DLC1: variants seen among roughly 807,000 people sequenced by gnomAD.
The protein encoded by DLC1 is rho GTPase-activating protein 7.
Under a neutral mutation model 140.3 loss-of-function variants are expected in DLC1, and 54 were observed. That is an observed-to-expected ratio of 0.38 (90% CI 0.31 to 0.48). DLC1 has a LOEUF of 0.48. DLC1 is among the 20% of genes least tolerant of loss of function. The pLI, the probability that DLC1 is intolerant of heterozygous loss-of-function variation, is 0.96. For missense variants in DLC1, 2,536 were observed against 1,907.0 expected (o/e 1.33, Z -6.14); for synonymous variants, 986 against 728.1 (o/e 1.35, Z -5.70).
intron 5 of DLC1, among the ~76,000 whole-genome samples, chr8:13,234,660 A>C (rs555085256): frequency 1.2e-4 from 18 of 152,052 alleles, no homozygotes; most frequent in African/African-American, 4.1e-4. Flanking sequence ...CATCTTGTCT[A>C]GGGTTCTACT....
intron 2 of DLC1, among the ~76,000 whole-genome samples, chr8:13,426,993 T>A (rs1220442800): frequency 6.6e-6 from 1 of 152,202 alleles, no homozygotes; most frequent in African/African-American, 2.4e-5. Context: ...CCCTGGCTTT[T>A]GTCTGATGCA....
chr8:13,372,919 C>G (rs929532432), intron 4 of DLC1, among the ~76,000 whole-genome samples: 2 of 152,150 alleles, frequency 1.3e-5, no homozygotes, highest in African/African-American at 4.8e-5. Context: ...AAACACCATG[C>G]CCAGCATCCA....
intron 2 of DLC1, among the ~76,000 whole-genome samples, chr8:13,489,412 T>TACACACACACACAC (rs10558551): frequency 0.033 from 4,321 of 132,230 alleles, 141 homozygotes; most frequent in East Asian, 0.078. Context: ...ACACACACCA[T>TACACACACACACAC]ACACACACAC....
intron 1 of DLC1, 30 bp from the exon 2 acceptor site, chr8:13,500,226 C>A: frequency 3.2e-6 from 2 of 616,360 alleles, no homozygotes; most frequent in South Asian, 2.6e-5. Flanking sequence ...AATATGTAGT[C>A]GCAGATACGT....
chr8:13,458,827 T>C (rs534575287), intron 2 of DLC1, among the ~76,000 whole-genome samples: 30 of 135,678 alleles, frequency 2.2e-4, no homozygotes, highest in Non-Finnish European at 4.1e-4. Flanking sequence ...CTTTCTTCAT[T>C]TGGAAAAAAA....
intron 1 of DLC1, among the ~76,000 whole-genome samples, chr8:13,563,476 T>G (rs1804315131): frequency 6.6e-6 from 1 of 152,170 alleles, no homozygotes; most frequent in African/African-American, 2.4e-5. Context: ...TGATGTAAGA[T>G]TCTTTCCTCC....
intron 2 of DLC1, among the ~76,000 whole-genome samples, chr8:13,422,170 T>A (rs1838346563): frequency 6.6e-6 from 1 of 152,070 alleles, no homozygotes; most frequent in African/African-American, 2.4e-5. Flanking sequence ...ATATTATGTT[T>A]TGAAGGGTAT....
chr8:13,412,467 T>G (rs911064400), intron 2 of DLC1, among the ~76,000 whole-genome samples: 3 of 152,096 alleles, frequency 2.0e-5, no homozygotes, highest in African/African-American at 7.2e-5. Flanking sequence ...CGTTGTGGCA[T>G]TTTTTGCTAG....
At chr8:13,555,792 G>A (rs893729013) in intron 1 of DLC1, among the ~76,000 whole-genome samples, 4 of 151,792 alleles carry the variant, frequency 2.6e-5, no homozygotes, top group Non-Finnish European at 2.9e-5. Context: ...ATGAGACACC[G>A]GGCCTGGCCT....
intron 1 of DLC1, among the ~76,000 whole-genome samples, chr8:13,591,554 T>C (rs1171354251): frequency 2.0e-5 from 3 of 152,106 alleles, no homozygotes; most frequent in African/African-American, 7.2e-5. Context: ...CCTCTTTTCT[T>C]CATAAATTAC....
chr8:13,207,320 A>G (rs1388605571), intron 5 of DLC1, among the ~76,000 whole-genome samples: 1 of 152,190 alleles, frequency 6.6e-6, no homozygotes, highest in African/African-American at 2.4e-5. Context: ...CCTTTGGGTT[A>G]CTGTTAGGCT....
intron 5 of DLC1, among the ~76,000 whole-genome samples, chr8:13,230,742 G>C (rs1043393014): frequency 6.6e-6 from 1 of 151,838 alleles, no homozygotes; most frequent in East Asian, 2.0e-4. Flanking sequence ...GATTACAAGA[G>C]CCCACCACCA....
chr8:13,212,889 A>G (rs1370498118), intron 5 of DLC1, among the ~76,000 whole-genome samples: 3 of 151,968 alleles, frequency 2.0e-5, no homozygotes, highest in Admixed American at 1.3e-4. Context: ...TTAAGCTTTC[A>G]CTCTTTTCAT....
At chr8:13,188,843 A>ATATATT (rs1247995559) in intron 5 of DLC1, among the ~76,000 whole-genome samples, 1 of 30,660 alleles carries the variant, frequency 3.3e-5, no homozygotes, top group African/African-American at 1.1e-4. Flanking sequence ...ATATATATAT[A>ATATATT]TTTTTTTTTT....
intron 4 of DLC1, among the ~76,000 whole-genome samples, chr8:13,349,758 A>T (rs1433605215): frequency 2.6e-5 from 4 of 152,218 alleles, no homozygotes; most frequent in Non-Finnish European, 4.4e-5. Context: ...TAAGTGATCA[A>T]TCCAAGTGAA....
At chr8:13,249,184 C>G (rs1563197305) in intron 5 of DLC1, among the ~76,000 whole-genome samples, 1 of 152,192 alleles carries the variant, frequency 6.6e-6, no homozygotes, top group Non-Finnish European at 1.5e-5. Context: ...TCAAGCGGTT[C>G]TCCTGCCTCA....
chr8:13,309,446 G>A (rs1054784588), intron 4 of DLC1, among the ~76,000 whole-genome samples: 2 of 152,086 alleles, frequency 1.3e-5, no homozygotes, highest in Non-Finnish European at 2.9e-5. Context: ...TTTCATTGAA[G>A]TTGGCCAATT....
At chr8:13,496,482 T>C (rs1801507726) in intron 2 of DLC1, among the ~76,000 whole-genome samples, 1 of 152,126 alleles carries the variant, frequency 6.6e-6, no homozygotes, top group Admixed American at 6.6e-5. Context: ...TCCAATGTAA[T>C]TGCTGTTAAC....
chr8:13,122,794 CAT>C, intron 5 of DLC1, among the ~76,000 whole-genome samples: 1 of 132,494 alleles, frequency 7.5e-6, no homozygotes, highest in Middle Eastern at 4.2e-3. Context: ...ATCTGCTATG[CAT>C]AGTCTGAAAA....
Sources: allele counts gnomAD v4.1 joint callset (sites outside exome capture counted in the v4.1 genomes callset), GRCh38; gene constraint gnomAD v4.1.1; transcripts MANE v1.5; gene names NCBI Gene and HGNC (gene_info 2026-07-23, HGNC 2026-07-21).